ARHGAP35: variants seen among roughly 807,000 people sequenced by gnomAD.
ARHGAP35 encodes the protein rho GTPase-activating protein 35.
In ARHGAP35, 15 loss-of-function variants were observed where a neutral mutation model predicts 111.1. The ratio of observed to expected loss-of-function variants is 0.13; its 90% CI spans 0.09 to 0.21. The LOEUF (loss-of-function observed/expected upper bound fraction) is 0.21, where lower values mean the gene tolerates loss of function less well. ARHGAP35 is among the 10% of genes least tolerant of loss of function. The pLI, the probability that ARHGAP35 is intolerant of heterozygous loss-of-function variation, is 1.00. For synonymous variants in ARHGAP35, 643 were observed against 710.3 expected (o/e 0.91, Z 1.51); for missense variants, 1,262 against 1,873.0 (o/e 0.67, Z 6.02).
At chr19:46,905,171 C>T (rs1036498461) in intron 1 of ARHGAP35, among the ~76,000 whole-genome samples, 1 of 152,158 alleles carries the variant, frequency 6.6e-6, no homozygotes, top group Non-Finnish European at 1.5e-5. Context: ...AATGTCTGAG[C>T]ATTAAATGGG....
intron 3 of ARHGAP35, among the ~76,000 whole-genome samples, chr19:46,953,912 A>G (rs546104107): frequency 1.3e-5 from 2 of 152,204 alleles, no homozygotes; most frequent in South Asian, 2.1e-4. Flanking sequence ...GCTGCCTAAT[A>G]TGTTGTTTCC....
At chr19:46,947,955 G>C (rs182728129) in intron 3 of ARHGAP35, 4 of 152,268 alleles carry the variant, frequency 2.6e-5, no homozygotes. Flanking sequence ...GGGGAAGGTC[G>C]TGCAGCTTCC....
chr19:46,891,176 G>A (rs754294634), intron 1 of ARHGAP35, among the ~76,000 whole-genome samples: 13 of 152,102 alleles, frequency 8.5e-5, no homozygotes, highest in Non-Finnish European at 1.8e-4. Flanking sequence ...ACTATCACCC[G>A]CCCTCCAGGA....
chr19:46,878,967 C>T (rs376698292), intron 1 of ARHGAP35, among the ~76,000 whole-genome samples: 13 of 152,284 alleles, frequency 8.5e-5, no homozygotes, highest in African/African-American at 1.9e-4. Context: ...TTCTTCCTTT[C>T]GTGAAAGATT....
chr19:46,959,854 G>A (rs529609059), intron 3 of ARHGAP35, among the ~76,000 whole-genome samples: 1 of 152,182 alleles, frequency 6.6e-6, no homozygotes, highest in East Asian at 1.9e-4. Context: ...CCAGCATGCT[G>A]GGAGGCAGAG....
At chr19:46,913,344 T>G (rs892033085) in intron 1 of ARHGAP35, among the ~76,000 whole-genome samples, 1 of 151,936 alleles carries the variant, frequency 6.6e-6, no homozygotes, top group East Asian at 1.9e-4. Context: ...CAGTATGAAC[T>G]TTCCCAGTCA....
At chr19:46,928,636 A>G (rs1392964404) in intron 2 of ARHGAP35, among the ~76,000 whole-genome samples, 1 of 151,982 alleles carries the variant, frequency 6.6e-6, no homozygotes, top group Non-Finnish European at 1.5e-5. Flanking sequence ...AATAGAACAA[A>G]AAGCTATGGT....
chr19:46,946,419 TA>T, intron 3 of ARHGAP35: 1 of 152,396 alleles, frequency 6.6e-6, no homozygotes, highest in East Asian at 1.9e-4. Context: ...TCCCTGTATA[TA>T]AAACCTTGAG....
rs1033514967 is a variant in ARHGAP35 at position 46,908,449 on chromosome 19, A to G, written c.-188-10039A>G. Among the ~76,000 whole-genome samples, 2 of 152,168 alleles carry G rather than the reference A, an allele frequency of 1.3e-5. No homozygotes were observed. The highest frequency in any genetic ancestry group is 2.4e-5 in the African/African-American group (1 of 41,420). ...CTTGGTTTTGTATTCCCTTTGACGT[A>G]GAATATTTTTACAGCTTATCAGAAT... On this transcript the variant is annotated intron_variant, in intron 1 of 6. Coordinates refer to ENST00000672722, the MANE Select transcript of ARHGAP35 (RefSeq NM_004491.5). The surrounding 1 kb of genome is among the most constrained non-coding windows in gnomAD (Gnocchi z 4.2).
At chr19:46,983,771 G>A (rs2056634049) in intron 3 of ARHGAP35, among the ~76,000 whole-genome samples, 2 of 151,858 alleles carry the variant, frequency 1.3e-5, no homozygotes, top group Admixed American at 1.3e-4. Context: ...CCGCCACCAT[G>A]CCTGGCTAAT....
At position 46,999,795 on chromosome 19, in the gene ARHGAP35, T is replaced by C; in HGVS notation, c.4142+386T>C. On this transcript the variant is annotated intron_variant, in intron 6 of 6. Transcript: ENST00000672722. This position sits in a 1 kb window ranked among gnomAD's most constrained non-coding sequence, Gnocchi z 5.4. ...TGAATCAAAAACACCTCAGAGTCCC[T>C]GAAAGTCCTCTCACAGCATTCACGT... 4.3e-6 allele frequency: 1 copy of C among 232,202 alleles called. No individual in the cohort carries two copies. Among genetic ancestry groups the C allele is most frequent in the Non-Finnish European group, 8.4e-6 (1 of 119,330 alleles). 14.4% of individuals were successfully genotyped at this position (232,202 alleles called of 1,614,324 possible).
At chr19:46,915,169 G>A (rs1323924173) in intron 1 of ARHGAP35, among the ~76,000 whole-genome samples, 1 of 152,238 alleles carries the variant, frequency 6.6e-6, no homozygotes, top group Non-Finnish European at 1.5e-5. Flanking sequence ...CAGAGGATGT[G>A]TGTAAACATG....
intron 1 of ARHGAP35, among the ~76,000 whole-genome samples, chr19:46,867,516 C>G (rs2055864759): frequency 6.6e-6 from 1 of 152,178 alleles, no homozygotes; most frequent in Non-Finnish European, 1.5e-5. Flanking sequence ...TTTCATTTCT[C>G]TGGACTACAG....
At chr19:46,861,739 T>C (rs1365630540) in intron 1 of ARHGAP35, among the ~76,000 whole-genome samples, 1 of 152,112 alleles carries the variant, frequency 6.6e-6, no homozygotes, top group Admixed American at 6.5e-5. Flanking sequence ...CGGCCCCTTC[T>C]TTGACCTACC....
At chr19:46,953,886 G>A (rs1021914273) in intron 3 of ARHGAP35, among the ~76,000 whole-genome samples, 3 of 150,500 alleles carry the variant, frequency 2.0e-5, no homozygotes, top group South Asian at 2.2e-4. Context: ...CTGCGTCGTT[G>A]TTAAACACTG....
At chr19:46,865,604 AGCC>A (rs2055851393) in intron 1 of ARHGAP35, among the ~76,000 whole-genome samples, 7 of 152,196 alleles carry the variant, frequency 4.6e-5, no homozygotes, top group Admixed American at 4.6e-4. Context: ...AGTAAACCAT[AGCC>A]TAATAGATGT....
intron 3 of ARHGAP35, among the ~76,000 whole-genome samples, chr19:46,971,966 A>G (rs947112402): frequency 6.6e-6 from 1 of 152,188 alleles, no homozygotes; most frequent in Non-Finnish European, 1.5e-5. Flanking sequence ...TGCTGTCCAA[A>G]AAAACCCACC....
chr19:46,904,725 A>G (rs2056096938), intron 1 of ARHGAP35, among the ~76,000 whole-genome samples: 1 of 152,216 alleles, frequency 6.6e-6, no homozygotes, highest in African/African-American at 2.4e-5. Flanking sequence ...ACAGCAGGAC[A>G]GAGGTGGCGG....
At chr19:46,887,190 G>A (rs2055996973) in intron 1 of ARHGAP35, among the ~76,000 whole-genome samples, 1 of 152,044 alleles carries the variant, frequency 6.6e-6, no homozygotes, top group Admixed American at 6.6e-5. Flanking sequence ...CTTCTCAGTG[G>A]GTTGGTGAAG....
Sources: allele counts gnomAD v4.1 joint callset (sites outside exome capture counted in the v4.1 genomes callset), GRCh38; gene constraint gnomAD v4.1.1; non-coding constraint Gnocchi (gnomAD v3.1); transcripts MANE v1.5; gene names NCBI Gene and HGNC (gene_info 2026-07-23, HGNC 2026-07-21).